The following ZNF512 variants were observed in gnomAD, a reference collection of about 807,000 sequenced individuals.
ZNF512 encodes the protein zinc finger protein 512.
Under a neutral mutation model 77.5 loss-of-function variants are expected in ZNF512, and 25 were observed. That is an observed-to-expected ratio of 0.32 (90% CI 0.23 to 0.45). The LOEUF (loss-of-function observed/expected upper bound fraction) is 0.45. Among genes scored for constraint, ZNF512 ranks in the 20% least tolerant of loss-of-function variants. The pLI is 1.00. For missense variants in ZNF512, 483 were observed against 692.6 expected (o/e 0.70, Z 3.40); for synonymous variants, 246 against 239.9 (o/e 1.03, Z -0.24).
Position 27,616,246 on chromosome 2 carries a change from TTCTTC to T in ZNF512, c.1234-11_1234-7del, listed in dbSNP as rs773958285. 1.1e-5 allele frequency: 17 copies of T among 1,610,162 alleles called. No homozygotes were observed. The highest frequency in any genetic ancestry group is 1.4e-5 in the Non-Finnish European group (17 of 1,176,428). On this transcript the variant is annotated splice_polypyrimidine_tract_variant and intron_variant, in intron 11 of 13. Coordinates refer to ENST00000355467, the MANE Select transcript of ZNF512 (RefSeq NM_032434.4). ...CTATTTGGCATAGTCTTCATACTATTTCTTCTCTTTTGCAGGGCTGTGAGGCTGTC... is the reference window on the plus strand; with the variant it reads ...CTATTTGGCATAGTCTTCATACTATTTCTTTTGCAGGGCTGTGAGGCTGTC...
At chr2:27,602,955 T>C (rs1394221106) in intron 8 of ZNF512, among the ~76,000 whole-genome samples, 185 bp from the exon 9 acceptor site, 1 of 152,196 alleles carries the variant, frequency 6.6e-6, no homozygotes, top group Non-Finnish European at 1.5e-5. Context: ...AAAATCATGC[T>C]TGATCAGAGT....
At chr2:27,613,990 A>G (rs1672777844) in intron 10 of ZNF512, among the ~76,000 whole-genome samples, 1 of 152,062 alleles carries the variant, frequency 6.6e-6, no homozygotes, top group Non-Finnish European at 1.5e-5. Context: ...AGATAGGCCC[A>G]TTTACACTAG....
intron 1 of ZNF512, 131 bp from the exon 2 acceptor site, chr2:27,583,527 G>T (rs1671204407): frequency 3.3e-6 from 5 of 1,514,010 alleles, no homozygotes; most frequent in African/African-American, 2.8e-5. Context: ...TTCCTAAAAG[G>T]TGTTGCCTTC....
chr2:27,598,085 C>T lies in ZNF512; in HGVS notation c.108C>T (p.Ser36=), dbSNP rs745425367. ...VGAKNSRTQC[S]IKDNSFQYTI... is the part of the protein sequence containing the mutation. Reference sequence around the variant, plus strand: ...GTATTAGTAGCAGGACCCAGTGCTCCATAAAGGATAATAGTTTCCAGTACA... The same window carrying T: ...GTATTAGTAGCAGGACCCAGTGCTCTATAAAGGATAATAGTTTCCAGTACA... The change falls in exon 3 of 14, where the codon TCC becomes TCT. Residue 36 remains serine (S), a synonymous_variant. Coordinates refer to ENST00000355467, the MANE Select transcript of ZNF512 (RefSeq NM_032434.4). 6.3e-7 allele frequency: 1 copy of T among 1,588,860 alleles called. No homozygotes were observed. Among genetic ancestry groups the T allele is most frequent in the South Asian group, 1.1e-5 (1 of 88,464 alleles).
chr2:27,620,321 T>C (rs1292298749), intron 13 of ZNF512, among the ~76,000 whole-genome samples: 2 of 152,236 alleles, frequency 1.3e-5, no homozygotes, highest in Non-Finnish European at 2.9e-5. Flanking sequence ...CTAGTGGCTA[T>C]CTCATTGCAT....
Position 27,596,705 on chromosome 2 carries a change from C to G in ZNF512, c.90-1362C>G, listed in dbSNP as rs149423298. Among the ~76,000 whole-genome samples, 611 of 152,316 alleles carry G rather than the reference C, an allele frequency of 4.0e-3. 3 individuals are homozygous for G. Among genetic ancestry groups the G allele is most frequent in the African/African-American group, 0.014 (584 of 41,574 alleles). ...GTGGGCCTTAGTGGGCTTAGCTGCC[C>G]CTCCAGAGCCAGGACTTCTGTGTAT... On this transcript the variant is annotated intron_variant, in intron 2 of 13. Transcript: ENST00000355467.
intron 10 of ZNF512, among the ~76,000 whole-genome samples, chr2:27,614,170 T>G (rs1226325002): frequency 6.6e-6 from 1 of 152,174 alleles, no homozygotes; most frequent in African/African-American, 2.4e-5. Flanking sequence ...AGAATCAGCT[T>G]CTTTTCAGAT....
chr2:27,598,484 C>T (rs951133911), intron 3 of ZNF512, among the ~76,000 whole-genome samples: 18 of 151,964 alleles, frequency 1.2e-4, no homozygotes, highest in Non-Finnish European at 1.8e-4. Context: ...AAAAAATTAG[C>T]GGGGCCTGGT....
intron 13 of ZNF512, among the ~76,000 whole-genome samples, chr2:27,618,392 A>G (rs1264698387): frequency 6.6e-6 from 1 of 152,240 alleles, no homozygotes; most frequent in Non-Finnish European, 1.5e-5. Context: ...GGATAAAACA[A>G]CTAAAGGACA....
intron 10 of ZNF512, 91 bp downstream of exon 10, chr2:27,608,130 G>A (rs1672449903): frequency 6.9e-6 from 8 of 1,164,658 alleles, no homozygotes; most frequent in East Asian, 2.8e-5. Context: ...GAGGAAGTAC[G>A]TGATAGGCAG....
intron 2 of ZNF512, among the ~76,000 whole-genome samples, chr2:27,591,866 G>A (rs1043782005): frequency 6.6e-6 from 1 of 152,110 alleles, no homozygotes; most frequent in Non-Finnish European, 1.5e-5. Flanking sequence ...ACTGCCTTGT[G>A]GCATTCTTGG....
In ZNF512 at chr2:27,600,805, A is replaced by T. The variant is rs140089636; in HGVS notation, c.572A>T (p.Asn191Ile). 1 of 1,610,968 alleles carries T rather than the reference A, an allele frequency of 6.2e-7. No homozygotes were observed. The highest frequency in any genetic ancestry group is 8.5e-7 in the Non-Finnish European group (1 of 1,179,086). ...TIEGLKKHME[N>I]CKQEMFTCHH... The stretch of plus-strand genomic sequence containing the variant: ...GAGGGTTTAAAGAAACACATGGAAA[A>T]CTGCAAGCAGGTTAGATATTTTGGC... Residue 191 changes from asparagine to isoleucine, a missense_variant, in exon 6 of 14, where the codon AAC (asparagine) becomes ATC (isoleucine). Asn to Ile is a moderately radical substitution (Grantham distance 149). Transcript: ENST00000355467.
Position 27,598,262 on chromosome 2 carries a change from T to C in ZNF512, c.277+8T>C. On this transcript the variant is annotated splice_region_variant and intron_variant, in intron 3 of 13. Transcript: ENST00000355467. ...CTACTTCTCATGTCGAAGGTATCAATATCAGTGTCTTATTCTGAAGACGGG... is the reference window on the plus strand; with the variant it reads ...CTACTTCTCATGTCGAAGGTATCAACATCAGTGTCTTATTCTGAAGACGGG... The C allele has an allele frequency of 6.2e-7, 1 of 1,608,736 alleles. No homozygotes were observed. The highest frequency in any genetic ancestry group is 1.1e-5 in the South Asian group (1 of 91,048).
chr2:27,602,407 C>T lies in ZNF512; in HGVS notation c.670-56C>T. The stretch of plus-strand genomic sequence containing the variant: ...TGATTCTCCTCTGATATTTTTTTTC[C>T]CTGTGTCTTATCTTTTCCATGAATC... On this transcript the variant is annotated intron_variant, in intron 7 of 13. Coordinates refer to ENST00000355467, the MANE Select transcript of ZNF512 (RefSeq NM_032434.4). The T allele has an allele frequency of 2.4e-5, 37 of 1,532,312 alleles. No individual in the cohort carries two copies. The Admixed American group carries it at 3.4e-4, about 14-fold the overall frequency. 94.9% of individuals were successfully genotyped at this position (1,532,312 alleles called of 1,614,324 possible).
intron 9 of ZNF512, among the ~76,000 whole-genome samples, chr2:27,604,878 C>G (rs1255042961): frequency 6.6e-6 from 1 of 152,220 alleles, no homozygotes; most frequent in Admixed American, 6.5e-5. Context: ...CCTCTGGCAA[C>G]CACTGATTTA....
At position 27,621,071 on chromosome 2, in the gene ZNF512, CT is replaced by C. The variant is rs1391900993; in HGVS notation, c.1396-76del. 86 of 1,509,038 alleles carry C rather than the reference CT, an allele frequency of 5.7e-5. 1 individual carries two copies. The Admixed American group carries it at 1.7e-3, about 31-fold the overall frequency. 93.5% of individuals were successfully genotyped at this position (1,509,038 alleles called of 1,614,324 possible). On this transcript the variant is annotated intron_variant, in intron 13 of 13. Coordinates refer to ENST00000355467, the MANE Select transcript of ZNF512 (RefSeq NM_032434.4). ...TTACTGTGTTCTGCCCTAATCATGC[CT>C]TTTTTCCATTCTTCCTCCACCTTTC...
rs542857395 is a variant in ZNF512, at chr2:27,591,508, G to A, written c.90-6559G>A. Among the ~76,000 whole-genome samples, 17 of 152,172 alleles carry A rather than the reference G, an allele frequency of 1.1e-4. No homozygotes were observed. The South Asian group carries it at 1.5e-3, about 13-fold the overall frequency. On this transcript the variant is annotated intron_variant, in intron 2 of 13. Transcript: ENST00000355467. ...TGGCTCACTGCAACCTCCGCCTCCC[G>A]GGTTCAAGCATTTCTCCTGCCTCAG...
rs1040445909 is a variant in ZNF512, at chr2:27,621,642, C to G, written c.*181C>G. On this transcript the variant is annotated 3_prime_UTR_variant, in exon 14 of 14. Coordinates refer to ENST00000355467, the MANE Select transcript of ZNF512 (RefSeq NM_032434.4). Reference sequence around the variant, plus strand: ...TCTTACATTTTGATTCCCCCCTCCCCTTTTAGTAGGTTTTCCTGCTATTCC... The same window carrying G: ...TCTTACATTTTGATTCCCCCCTCCCGTTTTAGTAGGTTTTCCTGCTATTCC... The G allele has an allele frequency of 3.1e-6, 2 of 645,742 alleles. No homozygotes were observed. The highest frequency in any genetic ancestry group is 3.7e-5 in the African/African-American group (2 of 54,784). The allele number at this position is 645,742 out of a possible 1,614,324, so 40.0% of individuals were successfully genotyped here.
At chr2:27,612,119 G>T (rs1256637674) in intron 10 of ZNF512, among the ~76,000 whole-genome samples, 1 of 152,120 alleles carries the variant, frequency 6.6e-6, no homozygotes, top group East Asian at 1.9e-4. Context: ...AAGACTCAAT[G>T]ATGTTTATTT....
Sources: allele counts gnomAD v4.1 joint callset (sites outside exome capture counted in the v4.1 genomes callset), GRCh38; gene constraint gnomAD v4.1.1; transcripts MANE v1.5; gene names NCBI Gene and HGNC (gene_info 2026-07-23, HGNC 2026-07-21).